Variants in ROCK2 observed in about 807,000 individuals in gnomAD.
ROCK2 encodes the protein rho-associated protein kinase 2.
Under a neutral mutation model 195.1 loss-of-function variants are expected in ROCK2, and 61 were observed. That is an observed-to-expected ratio of 0.31 (90% CI 0.25 to 0.39). ROCK2 has a LOEUF of 0.39. ROCK2 is among the 10% of genes least tolerant of loss of function. The probability of loss-of-function intolerance (pLI) is 1.00; values close to 1 mark genes in which losing one functional copy is unlikely to be tolerated. For missense variants in ROCK2, 1,109 were observed against 1,637.4 expected (o/e 0.68, Z 5.57); for synonymous variants, 504 against 545.5 (o/e 0.92, Z 1.06).
chr2:11,240,106 G>A (rs941988508), intron 4 of ROCK2, among the ~76,000 whole-genome samples: 10 of 152,116 alleles, frequency 6.6e-5, no homozygotes, highest in Non-Finnish European at 1.3e-4. Context: ...TTCTATAAGG[G>A]CCCCATTACA....
chr2:11,313,704 A>G (rs891155387), intron 1 of ROCK2, among the ~76,000 whole-genome samples: 2 of 151,792 alleles, frequency 1.3e-5, no homozygotes, highest in African/African-American at 4.8e-5. Flanking sequence ...GATTGTTTTC[A>G]TATCTATTAT....
intron 3 of ROCK2, among the ~76,000 whole-genome samples, chr2:11,281,275 T>C (rs1048700717): frequency 7.0e-6 from 1 of 142,650 alleles, no homozygotes; most frequent in Admixed American, 7.0e-5. Flanking sequence ...TGAATATCTA[T>C]AAAAAATCCA....
chr2:11,186,626 C>G (rs1466180460), intron 32 of ROCK2, among the ~76,000 whole-genome samples: 1 of 152,136 alleles, frequency 6.6e-6, no homozygotes, highest in Non-Finnish European at 1.5e-5. Context: ...AATCAAAACT[C>G]CTGAGCACAG....
rs1328743820 is a variant in ROCK2 at position 11,317,589 on chromosome 2, TATATATATATATATATATA to T, written c.141+26388_141+26406del. Among the ~76,000 whole-genome samples the T allele has an allele frequency of 4.5e-4, 6 of 13,302 alleles. 1 individual carries two copies. The highest frequency in any genetic ancestry group is 5.2e-3 in the South Asian group (2 of 386). 8.7% of individuals were successfully genotyped at this position (13,302 alleles called of 152,430 possible). A position where few individuals can be genotyped will look rare whatever the true frequency, so the allele number is the denominator to read the frequency against. On this transcript the variant is annotated intron_variant, in intron 1 of 32. Transcript: ENST00000315872. ...TGATCTACACATTTATATATATATA[TATATATATATATATATATA>T]TATATTTTTTTTTTTTTTTAATTAT...
chr2:11,293,318 G>T (rs1404397411), intron 1 of ROCK2, among the ~76,000 whole-genome samples: 2 of 152,172 alleles, frequency 1.3e-5, no homozygotes, highest in African/African-American at 4.8e-5. Flanking sequence ...TAGAGGAAAA[G>T]ATAAAATTGT....
At chr2:11,222,226 A>G in intron 7 of ROCK2, 52 bp from the exon 8 acceptor site, 3 of 1,027,510 alleles carry the variant, frequency 2.9e-6, no homozygotes, top group Non-Finnish European at 4.4e-6. Flanking sequence ...AAATAAAAAG[A>G]TTAACTCTAT....
intron 1 of ROCK2, among the ~76,000 whole-genome samples, chr2:11,318,997 G>A (rs1460288235): frequency 1.3e-5 from 2 of 152,172 alleles, no homozygotes; most frequent in Admixed American, 1.3e-4. Flanking sequence ...TGTTGTTTTG[G>A]TTACTGTAGC....
At chr2:11,215,178 A>G in intron 15 of ROCK2, 92 bp from the exon 16 acceptor site, 1 of 1,511,354 alleles carries the variant, frequency 6.6e-7, no homozygotes, top group Non-Finnish European at 8.9e-7. Context: ...GAAACTATTT[A>G]AAATAAACAA....
chr2:11,329,774 G>A (rs148004483), intron 1 of ROCK2, among the ~76,000 whole-genome samples: 5 of 151,042 alleles, frequency 3.3e-5, no homozygotes, highest in East Asian at 1.9e-4. Flanking sequence ...GCGTTTTCTC[G>A]TTTTTGTGAT....
Position 11,205,115 on chromosome 2 carries a change from C to T in ROCK2, c.2549+2611G>A, listed in dbSNP as rs571551701. Reference sequence around the variant, plus strand: ...GCCAGAGTGAGAAAGGCTTTTCACCCCATATTAGCTGTTCTAATTACCCCA... The same window carrying T: ...GCCAGAGTGAGAAAGGCTTTTCACCTCATATTAGCTGTTCTAATTACCCCA... On this transcript the variant is annotated intron_variant, in intron 20 of 32. Coordinates refer to ENST00000315872, the MANE Select transcript of ROCK2 (RefSeq NM_004850.5). Among the ~76,000 whole-genome samples the T allele has an allele frequency of 5.3e-5, 8 of 152,256 alleles. No homozygotes were observed. The East Asian group carries it at 1.5e-3, about 29-fold the overall frequency.
intron 12 of ROCK2, among the ~76,000 whole-genome samples, 170 bp from the exon 13 acceptor site, chr2:11,216,376 A>G (rs1434415269): frequency 6.6e-6 from 1 of 151,220 alleles, no homozygotes; most frequent in African/African-American, 2.4e-5. Flanking sequence ...TTGGCTCACT[A>G]CAATGCCTGC....
chr2:11,327,697 G>A (rs1002279929), intron 1 of ROCK2, among the ~76,000 whole-genome samples: 1 of 152,060 alleles, frequency 6.6e-6, no homozygotes, highest in Non-Finnish European at 1.5e-5. Context: ...CAAGAAGCTG[G>A]GACTACAGGT....
chr2:11,238,825 C>T (rs548884956), intron 4 of ROCK2, among the ~76,000 whole-genome samples: 1 of 152,132 alleles, frequency 6.6e-6, no homozygotes, highest in South Asian at 2.1e-4. Flanking sequence ...CCAGTCTGCG[C>T]AACACAGTGA....
At chr2:11,190,297 G>A (rs1318198484) in intron 32 of ROCK2, among the ~76,000 whole-genome samples, 3 of 151,216 alleles carry the variant, frequency 2.0e-5, no homozygotes, top group Non-Finnish European at 4.4e-5. Context: ...ACTTACCGTT[G>A]CTATGACAAA....
intron 1 of ROCK2, among the ~76,000 whole-genome samples, chr2:11,311,908 G>T (rs548084024): frequency 1.3e-5 from 2 of 152,192 alleles, no homozygotes; most frequent in East Asian, 3.9e-4. Flanking sequence ...ATCTAGAAAG[G>T]CTATTACTAT....
At chr2:11,312,963 G>A (rs572748041) in intron 1 of ROCK2, among the ~76,000 whole-genome samples, 8 of 152,206 alleles carry the variant, frequency 5.3e-5, no homozygotes, top group African/African-American at 1.9e-4. Flanking sequence ...GAGGCAACAA[G>A]AGGAAAAAGA....
intron 1 of ROCK2, among the ~76,000 whole-genome samples, chr2:11,317,627 T>TTTTTTTTTTTTTTTTTTTTTA (rs1192587957): frequency 3.2e-5 from 1 of 31,424 alleles, no homozygotes; most frequent in Non-Finnish European, 7.1e-5. Flanking sequence ...TTTTTTTTTT[T>TTTTTTTTTTTTTTTTTTTTTA]AATTATACTT....
At chr2:11,312,852 C>T (rs1668078041) in intron 1 of ROCK2, among the ~76,000 whole-genome samples, 1 of 152,022 alleles carries the variant, frequency 6.6e-6, no homozygotes, top group Non-Finnish European at 1.5e-5. Context: ...CATATTTCTA[C>T]GTGAAAGAAA....
chr2:11,322,788 C>T (rs946408837), intron 1 of ROCK2, among the ~76,000 whole-genome samples: 11 of 152,240 alleles, frequency 7.2e-5, no homozygotes, highest in African/African-American at 2.4e-4. Context: ...TTATGGGATA[C>T]CACAGTTGTG....
Sources: gnomAD v4.1 joint callset for allele counts (sites outside exome capture counted in the v4.1 genomes callset) on GRCh38, gnomAD v4.1.1 for gene constraint, MANE v1.5 for transcripts, NCBI Gene and HGNC (gene_info 2026-07-23, HGNC 2026-07-21) for gene names.